Variants in RBFOX1 observed in about 807,000 individuals in gnomAD.
RBFOX1 encodes RNA binding protein fox-1 homolog 1.
A neutral mutation model predicts 57.7 loss-of-function variants in RBFOX1; 8 were observed. The observed-to-expected ratio is 0.14, with a 90% CI of 0.08 to 0.25. The LOEUF (loss-of-function observed/expected upper bound fraction) is 0.25, where lower values mean the gene tolerates loss of function less well. Among genes scored for constraint, RBFOX1 ranks in the 10% least tolerant of loss-of-function variants. The probability of loss-of-function intolerance (pLI) is 1.00; values close to 1 mark genes in which losing one functional copy is unlikely to be tolerated. For synonymous variants in RBFOX1, 326 were observed against 222.4 expected (o/e 1.47, Z -4.15); for missense variants, 611 against 548.5 (o/e 1.11, Z -1.14).
intron 4 of RBFOX1, among the ~76,000 whole-genome samples, chr16:7,093,041 TA>T (rs2151157993): frequency 6.6e-6 from 1 of 152,360 alleles, no homozygotes; most frequent in South Asian, 2.1e-4. Flanking sequence ...TTTCGTTTTT[TA>T]TTCCAAAGTT....
chr16:7,290,771 A>T (rs896443905), intron 4 of RBFOX1, among the ~76,000 whole-genome samples: 9 of 152,194 alleles, frequency 5.9e-5, no homozygotes, highest in African/African-American at 1.7e-4. Flanking sequence ...ATAGACAGAA[A>T]ATAGACAAGG....
intron 3 of RBFOX1, among the ~76,000 whole-genome samples, chr16:6,807,833 T>C (rs900884345): frequency 6.6e-6 from 1 of 151,842 alleles, no homozygotes; most frequent in Non-Finnish European, 1.5e-5. Flanking sequence ...ATGCTTATTA[T>C]ATATATAGTT....
intron 3 of RBFOX1, among the ~76,000 whole-genome samples, chr16:6,694,187 C>G (rs554472909): frequency 6.6e-6 from 1 of 152,104 alleles, no homozygotes; most frequent in Non-Finnish European, 1.5e-5. Context: ...CTAAATAATC[C>G]CTTTAGGGCA....
In RBFOX1 at chr16:7,244,247, CAAAAAAAA is replaced by C. The variant is rs60054791; in HGVS notation, c.27+192166_27+192173del. Among the ~76,000 whole-genome samples the C allele has an allele frequency of 3.1e-4, 31 of 99,228 alleles. No individual in the cohort carries two copies. The East Asian group carries it at 8.7e-3, about 28-fold the overall frequency. The allele number at this position is 99,228 out of a possible 152,430, so 65.1% of individuals were successfully genotyped here. A position where few individuals can be genotyped will look rare whatever the true frequency, so the allele number is the denominator to read the frequency against. The stretch of plus-strand genomic sequence containing the variant: ...GTTCTAGGAAAATGCCAAAGTATTC[CAAAAAAAA>C]AAAAAAAAAAAAAAAACACCCTTGG... On this transcript the variant is annotated intron_variant, in intron 4 of 15. Coordinates refer to ENST00000550418, the MANE Select transcript of RBFOX1 (RefSeq NM_018723.4).
At chr16:6,903,359 A>G (rs939743127) in intron 3 of RBFOX1, among the ~76,000 whole-genome samples, 1 of 152,202 alleles carries the variant, frequency 6.6e-6, no homozygotes, top group Non-Finnish European at 1.5e-5. Context: ...AGCAAGAATG[A>G]TGGGAAACCA....
At chr16:6,624,619 C>T (rs568823631) in intron 2 of RBFOX1, among the ~76,000 whole-genome samples, 6 of 152,106 alleles carry the variant, frequency 3.9e-5, no homozygotes, top group Non-Finnish European at 8.8e-5. Flanking sequence ...CACAGTGCAG[C>T]TGTGTTTTAT....
chr16:7,004,709 A>T (rs1312788108), intron 3 of RBFOX1, among the ~76,000 whole-genome samples: 1 of 152,204 alleles, frequency 6.6e-6, no homozygotes. Flanking sequence ...AACCAGGAAG[A>T]TGTATGGTGA....
rs138779812 is a variant in RBFOX1 at position 6,288,596 on chromosome 16, C to T, written c.-126-28399C>T. On this transcript the variant is annotated intron_variant, in intron 1 of 15. Transcript: ENST00000550418. ...ACAGGCTGAAAACCTGAAACTCAGT[C>T]AGGTGAGAGCTGTTGTCTGAGTTGC... Among the ~76,000 whole-genome samples, 252 of 152,260 alleles carry T rather than the reference C, an allele frequency of 1.7e-3. 3 individuals carry two copies. Among genetic ancestry groups the T allele is most frequent in the African/African-American group, 5.9e-3 (244 of 41,550 alleles).
intron 1 of RBFOX1, among the ~76,000 whole-genome samples, chr16:5,425,685 G>A (rs951736281): frequency 6.6e-6 from 1 of 152,194 alleles, no homozygotes; most frequent in East Asian, 1.9e-4. Context: ...AAGGGGTGGT[G>A]CAGGGGCAGG....
chr16:5,372,567 G>C (rs1298002556), intron 1 of RBFOX1, among the ~76,000 whole-genome samples: 1 of 152,166 alleles, frequency 6.6e-6, no homozygotes, highest in Non-Finnish European at 1.5e-5. Flanking sequence ...AACGGGGGTG[G>C]TTTAGCCGTG....
At chr16:7,203,862 C>T (rs567108957) in intron 4 of RBFOX1, among the ~76,000 whole-genome samples, 10 of 152,310 alleles carry the variant, frequency 6.6e-5, no homozygotes, top group African/African-American at 1.2e-4. Context: ...TAAGTTTGTC[C>T]AGAGAGCCAG....
At chr16:6,555,281 C>T (rs989231546) in intron 2 of RBFOX1, among the ~76,000 whole-genome samples, 2 of 152,196 alleles carry the variant, frequency 1.3e-5, no homozygotes, top group African/African-American at 2.4e-5. Flanking sequence ...CACCCAAATC[C>T]TATCCATTGG....
chr16:7,266,135 T>C (rs2095131383), intron 4 of RBFOX1, among the ~76,000 whole-genome samples: 1 of 151,838 alleles, frequency 6.6e-6, no homozygotes, highest in South Asian at 2.1e-4. Flanking sequence ...CCAATACACC[T>C]GGCTAATTTT....
In RBFOX1 at chr16:5,811,142, A is replaced by ATT. The variant is rs1235427716; in HGVS notation, c.319-56161_319-56160insTT. 3.0e-5 allele frequency among the ~76,000 whole-genome samples: 3 copies of ATT among 99,138 alleles called. No individual in the cohort carries two copies. The South Asian group carries it at 1.1e-3, about 38-fold the overall frequency. 65.0% of individuals were successfully genotyped at this position (99,138 alleles called of 152,430 possible). A position where few individuals can be genotyped will look rare whatever the true frequency, so the allele number is the denominator to read the frequency against. ...TATATAAATGAAATCTTATGGAACA[A>ATT]ATTTTTTTTTTTTTTTTTTTTTTTG... On this transcript the variant is annotated intron_variant, in intron 3 of 19. Transcript: ENST00000641259.
In RBFOX1 at chr16:5,525,491, A is replaced by ATTTTTTTTT. The variant is rs71404528; in HGVS notation, c.258+58253_258+58261dup. Among the ~76,000 whole-genome samples the ATTTTTTTTT allele has an allele frequency of 2.8e-4, 22 of 78,272 alleles. 1 individual carries two copies. The highest frequency in any genetic ancestry group is 9.8e-4 in the African/African-American group (18 of 18,372). 51.3% of individuals were successfully genotyped at this position (78,272 alleles called of 152,430 possible). ...ATAGGCTGGCTCTAGAGCCGACACT[A>ATTTTTTTTT]TTTTTTTTTTTTTTTTTTTTTTTTG... On this transcript the variant is annotated intron_variant, in intron 2 of 2. Transcript: ENST00000585867.
intron 3 of RBFOX1, among the ~76,000 whole-genome samples, chr16:6,832,172 A>G (rs1377715710): frequency 1.3e-5 from 2 of 152,220 alleles, no homozygotes; most frequent in Non-Finnish European, 2.9e-5. Context: ...ATTCATCTTC[A>G]GAAATGAATA....
chr16:6,197,403 T>G (rs911345546), intron 1 of RBFOX1, among the ~76,000 whole-genome samples: 1 of 152,158 alleles, frequency 6.6e-6, no homozygotes, highest in Non-Finnish European at 1.5e-5. Flanking sequence ...TGCACCATGG[T>G]GAATCACATG....
chr16:7,037,179 C>T (rs193158646), intron 3 of RBFOX1, among the ~76,000 whole-genome samples: 2 of 147,870 alleles, frequency 1.4e-5, no homozygotes, highest in South Asian at 4.3e-4. Flanking sequence ...TATCCTGTGA[C>T]TTAGAATGCC....
chr16:7,194,003 C>A (rs2152665207), intron 4 of RBFOX1, among the ~76,000 whole-genome samples: 1 of 151,608 alleles, frequency 6.6e-6, no homozygotes, highest in Admixed American at 6.6e-5. Context: ...CAAGTATAAG[C>A]CGTATCATAT....
Sources: gnomAD v4.1 joint callset for allele counts (sites outside exome capture counted in the v4.1 genomes callset) on GRCh38, gnomAD v4.1.1 for gene constraint, MANE v1.5 for transcripts, NCBI Gene and HGNC (gene_info 2026-07-23, HGNC 2026-07-21) for gene names.